Variants in SPG11 observed in about 807,000 individuals in gnomAD.
SPG11 encodes SPG11 vesicle trafficking associated, spatacsin.
SPG11 carries 222 observed loss-of-function variants against 274.0 expected under a neutral mutation model. That is an observed-to-expected ratio of 0.81 (90% CI 0.73 to 0.91). The LOEUF (loss-of-function observed/expected upper bound fraction) is 0.91. Among genes scored for constraint, SPG11 ranks in the 40% least tolerant of loss-of-function variants. SPG11 has a pLI of 0.00. For missense variants in SPG11, 3,114 were observed against 2,872.7 expected (o/e 1.08, Z -1.92); for synonymous variants, 1,144 against 1,039.7 (o/e 1.10, Z -1.93).
At chr15:44,630,643 G>A (rs184162637) in intron 8 of SPG11, among the ~76,000 whole-genome samples, 146 of 152,150 alleles carry the variant, frequency 9.6e-4, no homozygotes, top group African/African-American at 3.3e-3. Flanking sequence ...GGAATGGAGC[G>A]ATCTCGGGTC....
chr15:44,593,218 CAT>C (rs1173122196), intron 26 of SPG11, among the ~76,000 whole-genome samples: 2 of 151,986 alleles, frequency 1.3e-5, no homozygotes, highest in African/African-American at 2.4e-5. Context: ...TTTTTTGAGA[CAT>C]AGCCTCATTC....
intron 5 of SPG11, 69 bp downstream of exon 5, chr15:44,652,060 T>A: frequency 1.3e-6 from 2 of 1,592,030 alleles, no homozygotes; most frequent in South Asian, 1.1e-5. Context: ...AGACCTTTAA[T>A]GAAAGGGTAC....
intron 2 of SPG11, among the ~76,000 whole-genome samples, 191 bp from the exon 3 acceptor site, chr15:44,659,494 T>C (rs1261180583): frequency 1.3e-5 from 2 of 152,164 alleles, no homozygotes; most frequent in Non-Finnish European, 2.9e-5. Context: ...TGACTAAAGA[T>C]GGCCTACAAT....
At position 44,564,675 on chromosome 15, in the gene SPG11, G is replaced by T. The variant is rs80338869; in HGVS notation, c.7023C>A (p.Tyr2341Ter). The change falls in exon 39 of 40, where the codon TAC becomes TAA. Residue 2341 changes from tyrosine to a stop codon, truncating the protein, a stop_gained. Coordinates refer to ENST00000261866, the MANE Select transcript of SPG11 (RefSeq NM_025137.4). LOFTEE classifies it high-confidence loss of function. ...FYQASIVAEA[Y>*]DFVPDWAEIL... ...TTTCAGCCCAATCTGGAACAAAATC[G>T]TAGGCCTCAGCCACAATAGAAGCCT... 3 of 1,613,962 alleles carry T rather than the reference G, an allele frequency of 1.9e-6. No individual in the cohort carries two copies. Among genetic ancestry groups the T allele is most frequent in the South Asian group, 1.1e-5 (1 of 91,094 alleles).
At chr15:44,663,285 C>T (rs2085172442) in intron 1 of SPG11, 106 bp downstream of exon 1, 1 of 1,460,594 alleles carries the variant, frequency 6.8e-7, no homozygotes, top group Non-Finnish European at 9.3e-7. Flanking sequence ...CCTTCTCCCG[C>T]CACCTCTATG....
intron 3 of SPG11, 150 bp downstream of exon 3, chr15:44,658,929 T>A: frequency 2.8e-6 from 2 of 702,886 alleles, no homozygotes; most frequent in Admixed American, 2.6e-5. Flanking sequence ...TATTTTAAGT[T>A]TATGAGGATC....
Position 44,596,261 on chromosome 15 carries a change from T to C in SPG11, c.4256A>G (p.Asp1419Gly), listed in dbSNP as rs963418163. The change falls in exon 25 of 40, where the codon GAC becomes GGC. Residue 1419 changes from aspartate (D) to glycine (G), a missense_variant. Coordinates refer to ENST00000261866, the MANE Select transcript of SPG11 (RefSeq NM_025137.4). ...NLPSVPTSKM[D>G]SDQVCNKCPQ... Reference sequence around the variant, plus strand: ...GCACTTATTGCAGACTTGATCGCTGTCCATTTTGGAGGTGGGCACTGAGGG... The same window carrying C: ...GCACTTATTGCAGACTTGATCGCTGCCCATTTTGGAGGTGGGCACTGAGGG... The C allele has an allele frequency of 3.1e-6, 5 of 1,614,170 alleles. No individual in the cohort carries two copies. Among genetic ancestry groups the C allele is most frequent in the Non-Finnish European group, 4.2e-6 (5 of 1,180,028 alleles).
At chr15:44,570,048 T>A (rs1322342806) in intron 34 of SPG11, among the ~76,000 whole-genome samples, 1 of 152,144 alleles carries the variant, frequency 6.6e-6, no homozygotes, top group East Asian at 1.9e-4. Context: ...TAAAGTGCCA[T>A]TCTCCTGGGC....
rs1257238224 is a variant in SPG11, at chr15:44,600,652, A to G, written c.3521-20T>C. On this transcript the variant is annotated intron_variant, in intron 20 of 39. Coordinates refer to ENST00000261866, the MANE Select transcript of SPG11 (RefSeq NM_025137.4). ...ATGCATCTAGGGGGAAAGTAAAACAATATTAATTATCTGTATATCACCATA... is the reference window on the plus strand; with the variant it reads ...ATGCATCTAGGGGGAAAGTAAAACAGTATTAATTATCTGTATATCACCATA... 9.3e-6 allele frequency: 15 copies of G among 1,610,516 alleles called. No individual in the cohort carries two copies. The highest frequency in any genetic ancestry group is 1.3e-5 in the Non-Finnish European group (15 of 1,177,234).
At position 44,629,294 on chromosome 15, in the gene SPG11, C is replaced by G. The variant is rs1269762029; in HGVS notation, c.1830G>C (p.Leu610Phe). ...EPQSKHFSEQ[L>F]LNLTLSFLNN... ...TAAGGAAAGACAGTGTAAGATTAAG[C>G]AATTGTTCTGAAAAGTGTTTGCTTT... The change falls in exon 9 of 40, where the codon TTG becomes TTC. Residue 610 changes from leucine (L) to phenylalanine (F), a missense_variant. Leu to Phe is a conservative substitution (Grantham distance 22). Transcript: ENST00000261866. The G allele has an allele frequency of 8.1e-6, 13 of 1,613,966 alleles. No individual in the cohort carries two copies. The highest frequency in any genetic ancestry group is 1.1e-5 in the Non-Finnish European group (13 of 1,179,970).
intron 7 of SPG11, among the ~76,000 whole-genome samples, chr15:44,641,337 G>C (rs2084432663): frequency 6.6e-6 from 1 of 151,744 alleles, no homozygotes; most frequent in African/African-American, 2.4e-5. Context: ...GTCACAAATA[G>C]CATTAGTCAT....
intron 2 of SPG11, 104 bp downstream of exon 2, chr15:44,660,328 A>T (rs887698845): frequency 4.3e-5 from 43 of 988,960 alleles, no homozygotes; most frequent in Non-Finnish European, 6.5e-5. Flanking sequence ...ACTATATCAG[A>T]CAGCGTAGAC....
chr15:44,595,573 T>C, intron 25 of SPG11, 114 bp from the exon 26 acceptor site: 1 of 1,187,672 alleles, frequency 8.4e-7, no homozygotes, highest in Non-Finnish European at 1.2e-6. Flanking sequence ...TTAGTTAAAA[T>C]GGCTTGAAAA....
intron 37 of SPG11, 75 bp downstream of exon 37, chr15:44,566,142 C>G: frequency 6.3e-7 from 1 of 1,595,406 alleles, no homozygotes; most frequent in South Asian, 1.1e-5. Context: ...CTGGAAAGAG[C>G]CCAAGGACAA....
rs2084792282 is a variant in SPG11 at position 44,651,914 on chromosome 15, A to G, written c.1033T>C (p.Leu345=). 1 of 1,612,194 alleles carries G rather than the reference A, an allele frequency of 6.2e-7. No individual in the cohort carries two copies. Among genetic ancestry groups the G allele is most frequent in the Non-Finnish European group, 8.5e-7 (1 of 1,179,646 alleles). ...TTGGAGTTCTTTATTGTTTCATTCA[A>G]TGATGATAGCTGGGCTTTCCAAGAC... ...DRSWKAQLSS[L]NETIKNSKLE... Residue 345 remains leucine, a synonymous_variant, in exon 6 of 40, where the codon TTG becomes CTG. Transcript: ENST00000261866.
intron 7 of SPG11, among the ~76,000 whole-genome samples, chr15:44,644,240 C>G (rs1000465659): frequency 5.3e-5 from 8 of 151,420 alleles, no homozygotes; most frequent in Non-Finnish European, 1.0e-4. Context: ...GCGAATCCAA[C>G]AGAATCAAGT....
chr15:44,608,319 T>G (rs1280950876), intron 19 of SPG11, 125 bp downstream of exon 19: 5 of 1,050,212 alleles, frequency 4.8e-6, no homozygotes, highest in Non-Finnish European at 7.2e-6. Flanking sequence ...GTTTCCCCAT[T>G]CTGCTATCAT....
At chr15:44,598,921 G>A in intron 21 of SPG11, 85 bp from the exon 22 acceptor site, 2 of 1,332,678 alleles carry the variant, frequency 1.5e-6, no homozygotes, top group East Asian at 2.5e-5. Context: ...ATCAGTGACA[G>A]AGGGAGTGCC....
At chr15:44,575,696 T>C (rs1027305718) in intron 30 of SPG11, among the ~76,000 whole-genome samples, 9 of 152,042 alleles carry the variant, frequency 5.9e-5, no homozygotes, top group African/African-American at 1.9e-4. Flanking sequence ...AGTTTTGCCA[T>C]GTTGATCAGG....
Sources: allele counts gnomAD v4.1 joint callset (sites outside exome capture counted in the v4.1 genomes callset), GRCh38; gene constraint gnomAD v4.1.1; transcripts MANE v1.5; gene names NCBI Gene and HGNC (gene_info 2026-07-23, HGNC 2026-07-21).